The following MYO5B variants were observed in gnomAD, a reference collection of about 807,000 sequenced individuals.
MYO5B encodes the protein unconventional myosin-Vb.
In MYO5B, 143 loss-of-function variants were observed where a neutral mutation model predicts 229.3. The observed-to-expected ratio is 0.62, with a 90% CI of 0.54 to 0.72. MYO5B has a LOEUF of 0.72. MYO5B is among the 30% of genes least tolerant of loss of function. The probability of loss-of-function intolerance (pLI) is 0.00; values close to 1 mark genes in which losing one functional copy is unlikely to be tolerated. For missense variants in MYO5B, 2,321 were observed against 2,331.0 expected, an observed-to-expected ratio of 1.00 and a Z score of 0.09; for synonymous variants, 918 against 885.2, an observed-to-expected ratio of 1.04 and a Z score of -0.66.
At chr18:49,891,296 A>G (rs2024711710) in intron 22 of MYO5B, among the ~76,000 whole-genome samples, 1 of 152,164 alleles carries the variant, frequency 6.6e-6, no homozygotes, top group Admixed American at 6.5e-5. Context: ...GTGGCCATCA[A>G]AAGTGAAATC....
Position 50,076,162 on chromosome 18 carries a change from G to A in MYO5B, c.28-20784C>T, listed in dbSNP as rs567257799. Among the ~76,000 whole-genome samples the A allele has an allele frequency of 6.6e-5, 10 of 152,252 alleles. No individual in the cohort carries two copies. In the East Asian group the frequency reaches 7.7e-4, roughly 12 times the overall value. ...TTTCTTCTTTTTAATTGCAAAAGGC[G>A]TGCCAGAGAGCAACCTACAGCCAGA... On this transcript the variant is annotated intron_variant, in intron 1 of 39. Coordinates refer to ENST00000285039, the MANE Select transcript of MYO5B (RefSeq NM_001080467.3).
chr18:49,935,263 G>A (rs928412555), intron 16 of MYO5B, among the ~76,000 whole-genome samples: 1 of 152,114 alleles, frequency 6.6e-6, no homozygotes, highest in South Asian at 2.1e-4. Flanking sequence ...GCACCTCGGG[G>A]TATCCAAAAT....
chr18:49,903,463 G>A (rs767751982), intron 20 of MYO5B, among the ~76,000 whole-genome samples: 2 of 152,178 alleles, frequency 1.3e-5, no homozygotes, highest in South Asian at 2.1e-4. Context: ...CTTTGCACAT[G>A]CTGCCCCTGC....
intron 9 of MYO5B, among the ~76,000 whole-genome samples, 183 bp from the exon 10 acceptor site, chr18:49,974,798 G>GACACACACACACAGACACACACACACAC (rs2025731071): frequency 4.2e-4 from 55 of 130,996 alleles, no homozygotes; most frequent in Non-Finnish European, 3.3e-4. Flanking sequence ...CACACACACA[G>GACACACACACACAGACACACACACACAC]ACACACACAC....
chr18:50,040,159 A>T lies in MYO5B; in HGVS notation c.294T>A (p.His98Gln). The T allele has an allele frequency of 6.2e-7, 1 of 1,612,090 alleles. No homozygotes were observed. The highest frequency in any genetic ancestry group is 8.5e-7 in the Non-Finnish European group (1 of 1,179,242). The change falls in exon 3 of 40, where the codon CAT becomes CAA. Residue 98 changes from histidine to glutamine, a missense_variant. His to Gln is a conservative substitution (Grantham distance 24). Coordinates refer to ENST00000285039, the MANE Select transcript of MYO5B (RefSeq NM_001080467.3). ...NLKVRFLESN[H>Q]IYTYCGIVLV... is the part of the protein sequence containing the mutation. Reference sequence around the variant, plus strand: ...CCCACTTACCACAGTAAGTGTAGATATGGTTGGACTCCAGGAAACGGACCT... The same window carrying T: ...CCCACTTACCACAGTAAGTGTAGATTTGGTTGGACTCCAGGAAACGGACCT...
At chr18:49,918,872 G>C (rs2025045788) in intron 17 of MYO5B, among the ~76,000 whole-genome samples, 1 of 152,188 alleles carries the variant, frequency 6.6e-6, no homozygotes, top group Admixed American at 6.5e-5. Context: ...AAGTGTACTA[G>C]GGATGGACAA....
chr18:49,895,082 G>A lies in MYO5B; in HGVS notation c.2904C>T (p.His968=). Residue 968 remains histidine (H), a synonymous_variant, in exon 22 of 40, where the codon CAC becomes CAT. Coordinates refer to ENST00000285039, the MANE Select transcript of MYO5B (RefSeq NM_001080467.3). ...EVERLKKELV[H]YQQSPGEDTS... is the part of the protein sequence containing the mutation. ...TGTCCTCACCTGGGCTCTGCTGGTA[G>A]TGCACCAGCTCCTTCTTCAGCCGCT... 1 of 1,614,136 alleles carries A rather than the reference G, an allele frequency of 6.2e-7. No homozygotes were observed. The highest frequency in any genetic ancestry group is 8.5e-7 in the Non-Finnish European group (1 of 1,180,026).
chr18:49,955,260 G>A (rs17801411), intron 12 of MYO5B, among the ~76,000 whole-genome samples: 39,928 of 152,106 alleles, frequency 0.26, 5,791 homozygotes, highest in Middle Eastern at 0.36. Context: ...ATATCTTTAT[G>A]GATGGCTTTA....
At position 49,863,217 on chromosome 18, in the gene MYO5B, G is replaced by A. The variant is rs777906164; in HGVS notation, c.3944+10C>T. 12 of 1,609,842 alleles carry A rather than the reference G, an allele frequency of 7.5e-6. No homozygotes were observed. Among genetic ancestry groups the A allele is most frequent in the Non-Finnish European group, 8.5e-6 (10 of 1,177,550 alleles). On this transcript the variant is annotated intron_variant, in intron 29 of 39. Coordinates refer to ENST00000285039, the MANE Select transcript of MYO5B (RefSeq NM_001080467.3). ...GCCTCGTCCAGCACATTTGACCGCG[G>A]CGGCCTTACCTGTTTGTCTGGCAGA...
chr18:50,002,831 C>A lies in MYO5B; in HGVS notation c.456-1420G>T, dbSNP rs970829602. Among the ~76,000 whole-genome samples the A allele has an allele frequency of 3.3e-5, 5 of 152,160 alleles. No homozygotes were observed. In the South Asian group the frequency reaches 1.0e-3, roughly 32 times the overall value. On this transcript the variant is annotated intron_variant, in intron 4 of 39. Transcript: ENST00000285039. Reference sequence around the variant, plus strand: ...ATGAGGACAGGTTTAGAACTTGGGTCCCCTGTCACCAGCCTGGCCCTCTTT... The same window carrying A: ...ATGAGGACAGGTTTAGAACTTGGGTACCCTGTCACCAGCCTGGCCCTCTTT...
At chr18:49,833,911 G>C (rs1318277796) in intron 39 of MYO5B, among the ~76,000 whole-genome samples, 1 of 152,164 alleles carries the variant, frequency 6.6e-6, no homozygotes, top group African/African-American at 2.4e-5. Flanking sequence ...GACTCACTCT[G>C]CCTGCCCCAT....
intron 14 of MYO5B, among the ~76,000 whole-genome samples, chr18:49,946,005 A>G (rs1458972384): frequency 6.6e-6 from 1 of 152,182 alleles, no homozygotes; most frequent in Admixed American, 6.5e-5. Context: ...TTCTGAAGTG[A>G]ATTTTCAAGA....
chr18:49,962,280 C>T lies in MYO5B; in HGVS notation c.1531G>A (p.Asp511Asn). 1 of 1,614,190 alleles carries T rather than the reference C, an allele frequency of 6.2e-7. No individual in the cohort carries two copies. The highest frequency in any genetic ancestry group is 8.5e-7 in the Non-Finnish European group (1 of 1,180,028). Reference sequence around the variant, plus strand: ...ATCAGTTTTACCTTACATTCTTCATCCAACAGGTCCAAGATACCCAGCTTG... The same window carrying T: ...ATCAGTTTTACCTTACATTCTTCATTCAACAGGTCCAAGATACCCAGCTTG... ...EAKLGILDLL[D>N]EECKVPKGTD... Residue 511 changes from aspartate (D) to asparagine (N), a missense_variant, in exon 12 of 40, where the codon GAT becomes AAT. Physicochemically the swap from Asp to Asn is conservative, Grantham distance 23 (BLOSUM62 1). Around this residue, in one of 2 missense-constraint regions of MYO5B, gnomAD observed 2,113 missense variants for 2,044.7 expected, o/e 1.03. Coordinates refer to ENST00000285039, the MANE Select transcript of MYO5B (RefSeq NM_001080467.3).
At position 49,863,231 on chromosome 18, in the gene MYO5B, T is replaced by C; in HGVS notation, c.3940A>G (p.Asn1314Asp). 1 of 1,612,638 alleles carries C rather than the reference T, an allele frequency of 6.2e-7. No homozygotes were observed. The highest frequency in any genetic ancestry group is 8.5e-7 in the Non-Finnish European group (1 of 1,179,700). ...ATTTGACCGCGGCGGCCTTACCTGT[T>C]TGTCTGGCAGACCCCGTGATAGGCC... ...IEAYHGVCQT[N>D]SKTEDWGYLN... Residue 1314 changes from asparagine to aspartate, a missense_variant, in exon 29 of 40, where the codon AAC (asparagine) becomes GAC (aspartate). Asn to Asp is a conservative substitution (Grantham distance 23). This residue lies in a region of MYO5B where 2,113 missense variants were observed against 2,044.7 expected (regional missense o/e 1.03). Coordinates refer to ENST00000285039, the MANE Select transcript of MYO5B (RefSeq NM_001080467.3).
intron 4 of MYO5B, among the ~76,000 whole-genome samples, chr18:50,006,501 GA>G (rs1442585198): frequency 6.6e-6 from 1 of 152,198 alleles, no homozygotes; most frequent in East Asian, 1.9e-4. Flanking sequence ...ACAGGAGCCT[GA>G]GGTAAGGAAC....
intron 2 of MYO5B, among the ~76,000 whole-genome samples, chr18:50,046,757 C>T (rs2030238452): frequency 6.6e-6 from 1 of 152,136 alleles, no homozygotes; most frequent in African/African-American, 2.4e-5. Flanking sequence ...ACCAATGGAA[C>T]AGAACAGAGC....
At chr18:49,996,958 G>C (rs553329795) in intron 5 of MYO5B, among the ~76,000 whole-genome samples, 3 of 152,082 alleles carry the variant, frequency 2.0e-5, no homozygotes, top group African/African-American at 7.2e-5. Flanking sequence ...GGTTAACAGT[G>C]TCTGGCTTTC....
chr18:49,977,295 C>A (rs996266821), intron 9 of MYO5B, among the ~76,000 whole-genome samples: 5 of 152,006 alleles, frequency 3.3e-5, no homozygotes, highest in African/African-American at 1.2e-4. Flanking sequence ...TTTTATGGGC[C>A]CATATTGCTA....
At chr18:50,114,625 C>A (rs1008189114) in intron 1 of MYO5B, among the ~76,000 whole-genome samples, 42 of 152,356 alleles carry the variant, frequency 2.8e-4, no homozygotes, top group African/African-American at 9.6e-4. Context: ...TCAGCTGACT[C>A]CGTCAGAGCC....
Sources: allele counts gnomAD v4.1 joint callset (sites outside exome capture counted in the v4.1 genomes callset), GRCh38; gene constraint gnomAD v4.1.1; regional missense constraint gnomAD v4.1.1; transcripts MANE v1.5; gene names NCBI Gene and HGNC (gene_info 2026-07-23, HGNC 2026-07-21).